Variants in XKR9 observed in about 807,000 individuals in gnomAD.
XKR9 encodes XK related 9, also known as XK-related protein 9.
A neutral mutation model predicts 32.0 loss-of-function variants in XKR9; 32 were observed. The observed-to-expected ratio is 1.00, with a 90% confidence interval of 0.76 to 1.34. The LOEUF is 1.34. Ranked by LOEUF, XKR9 falls within the 40% of genes most tolerant of loss-of-function variation. The pLI, the probability that XKR9 is intolerant of heterozygous loss-of-function variation, is 0.00. For synonymous variants in XKR9, 168 were observed against 143.4 expected (o/e 1.17, Z -1.22); for missense variants, 546 against 429.7 (o/e 1.27, Z -2.39).
intron 2 of XKR9, among the ~76,000 whole-genome samples, chr8:70,775,516 G>A (rs1168759630): frequency 6.6e-6 from 1 of 152,086 alleles, no homozygotes; most frequent in Non-Finnish European, 1.5e-5. Context: ...AATTATGAAT[G>A]AGTGTTGAAT....
At chr8:70,961,255 G>C in the XKR9 span, among the ~76,000 whole-genome samples, 1 of 152,054 alleles carries the variant, frequency 6.6e-6, no homozygotes, top group Non-Finnish European at 1.5e-5. Context: ...AGGTATAGAG[G>C]AAGCCAAGTG....
At chr8:71,057,972 C>CAGG in the XKR9 span, among the ~76,000 whole-genome samples, 1 of 151,998 alleles carries the variant, frequency 6.6e-6, no homozygotes. Flanking sequence ...ATCACGAGAT[C>CAGG]AGATCGAGAC....
At chr8:70,883,142 C>T in the XKR9 span, among the ~76,000 whole-genome samples, 6 of 151,648 alleles carry the variant, frequency 4.0e-5, no homozygotes, top group African/African-American at 1.5e-4. Context: ...CAACCTCCCC[C>T]AACAATTCCC....
chr8:71,046,597 G>A, the XKR9 span, among the ~76,000 whole-genome samples: 1 of 152,172 alleles, frequency 6.6e-6, no homozygotes, highest in African/African-American at 2.4e-5. Flanking sequence ...TGAAGTGGGT[G>A]GCAAGTAGAG....
At chr8:70,944,640 C>T in the XKR9 span, among the ~76,000 whole-genome samples, 1 of 152,128 alleles carries the variant, frequency 6.6e-6, no homozygotes, top group Non-Finnish European at 1.5e-5. Context: ...ATCTTAGGAG[C>T]CACCTCTCTG....
chr8:71,017,028 GT>G, the XKR9 span, among the ~76,000 whole-genome samples: 1 of 152,166 alleles, frequency 6.6e-6, no homozygotes, highest in Non-Finnish European at 1.5e-5. Context: ...TAATAACTAT[GT>G]AAGTTAAGTA....
At chr8:70,839,302 C>A in the XKR9 span, among the ~76,000 whole-genome samples, 2 of 152,108 alleles carry the variant, frequency 1.3e-5, no homozygotes, top group Non-Finnish European at 2.9e-5. Context: ...GAAAATTTCA[C>A]TAAAAAAGAG....
chr8:70,813,879 G>A, the XKR9 span, among the ~76,000 whole-genome samples: 1 of 152,216 alleles, frequency 6.6e-6, no homozygotes, highest in Non-Finnish European at 1.5e-5. Flanking sequence ...GTGGAAGTCA[G>A]TGTGGCGATT....
intron 2 of XKR9, among the ~76,000 whole-genome samples, chr8:70,742,516 C>G (rs1356433371): frequency 6.6e-6 from 1 of 151,976 alleles, no homozygotes; most frequent in Non-Finnish European, 1.5e-5. Context: ...ATTTAAATGT[C>G]TATGTGTTAT....
At chr8:70,792,643 A>G (rs1807779187), downstream of XKR9, among the ~76,000 whole-genome samples, 1 of 152,130 alleles carries the variant, frequency 6.6e-6, no homozygotes, top group Non-Finnish European at 1.5e-5. Context: ...ATTCTCTAGA[A>G]GAGTGGAAAG....
At chr8:70,927,341 G>A in the XKR9 span, among the ~76,000 whole-genome samples, 1 of 152,128 alleles carries the variant, frequency 6.6e-6, no homozygotes, top group African/African-American at 2.4e-5. Context: ...AGCTAAGTCA[G>A]AAATGCAGGG....
chr8:70,989,631 C>T, the XKR9 span, among the ~76,000 whole-genome samples: 1 of 152,078 alleles, frequency 6.6e-6, no homozygotes, highest in East Asian at 1.9e-4. Flanking sequence ...ATTAGATCTT[C>T]TTCTTCTTGT....
downstream of XKR9, among the ~76,000 whole-genome samples, chr8:70,737,204 C>A (rs995347403): frequency 6.8e-6 from 1 of 147,618 alleles, no homozygotes; most frequent in South Asian, 2.1e-4. Flanking sequence ...AGTTGGATTC[C>A]TAAGTATTTT....
At chr8:70,747,467 T>C (rs765278638) in intron 2 of XKR9, among the ~76,000 whole-genome samples, 79 of 152,270 alleles carry the variant, frequency 5.2e-4, no homozygotes, top group Non-Finnish European at 9.3e-4. Flanking sequence ...TTTTAAGAAG[T>C]AGAAGAGAGA....
the XKR9 span, among the ~76,000 whole-genome samples, chr8:71,033,494 C>T: frequency 6.6e-6 from 1 of 152,032 alleles, no homozygotes; most frequent in East Asian, 1.9e-4. Flanking sequence ...TGTGGTTTGT[C>T]CCCATCAAAA....
chr8:70,940,600 T>C, the XKR9 span, among the ~76,000 whole-genome samples: 1 of 152,146 alleles, frequency 6.6e-6, no homozygotes, highest in Admixed American at 6.6e-5. Context: ...TTTATTTCTT[T>C]ATAACACTGT....
the XKR9 span, among the ~76,000 whole-genome samples, chr8:70,935,325 A>G: frequency 6.6e-6 from 1 of 151,578 alleles, no homozygotes; most frequent in Non-Finnish European, 1.5e-5. Flanking sequence ...CACACTTTGT[A>G]TTGTTACTAT....
At chr8:70,687,876 A>G (rs1819361760) in intron 3 of XKR9, among the ~76,000 whole-genome samples, 1 of 152,166 alleles carries the variant, frequency 6.6e-6, no homozygotes, top group Admixed American at 6.5e-5. Context: ...CATATGGTCC[A>G]TCTTTATGAA....
intron 2 of XKR9, among the ~76,000 whole-genome samples, chr8:70,781,193 T>C (rs1053499532): frequency 1.2e-4 from 18 of 152,186 alleles, no homozygotes; most frequent in Non-Finnish European, 2.1e-4. Context: ...CATCTTTTCA[T>C]GTGCTTATTT....
Sources: allele counts gnomAD v4.1 joint callset (sites outside exome capture counted in the v4.1 genomes callset), GRCh38; gene constraint gnomAD v4.1.1; transcripts MANE v1.5; gene names NCBI Gene and HGNC (gene_info 2026-07-23, HGNC 2026-07-21).